The following REPS2 variants were observed in gnomAD, a reference collection of about 807,000 sequenced individuals.
REPS2 encodes RALBP1 associated Eps domain containing 2, also known as ralBP1-associated Eps domain-containing protein 2.
Under a neutral mutation model 53.6 loss-of-function variants are expected in REPS2, and 23 were observed. The ratio of observed to expected loss-of-function variants is 0.43; its 90% confidence interval spans 0.31 to 0.61. REPS2 has a LOEUF of 0.61. Ranked by LOEUF, REPS2 falls within the 20% of genes least tolerant of loss-of-function variation. The probability of loss-of-function intolerance (pLI) is 0.11; values close to 1 mark genes in which losing one functional copy is unlikely to be tolerated. For missense variants in REPS2, 446 were observed against 534.9 expected (o/e 0.83, Z 1.64); for synonymous variants, 238 against 218.6 (o/e 1.09, Z -0.78).
downstream of REPS2, among the ~76,000 whole-genome samples, chrX:17,154,252 A>G (rs189321284): frequency 8.9e-6 from 1 of 112,189 alleles, no homozygotes; most frequent in East Asian, 2.8e-4. Flanking sequence ...TTTCCAGGGC[A>G]TAGTTTTTGC....
chrX:17,154,166 CAAAG>C (rs1396237423), downstream of REPS2, among the ~76,000 whole-genome samples: 7 of 111,854 alleles, frequency 6.3e-5, no homozygotes, highest in East Asian at 2.0e-3. Context: ...ATTTTACAGT[CAAAG>C]AAACTGTGGT....
At chrX:17,114,889 C>T (rs2063025462) in intron 14 of REPS2, among the ~76,000 whole-genome samples, 1 of 112,209 alleles carries the variant, frequency 8.9e-6, no homozygotes, top group Non-Finnish European at 1.9e-5. Flanking sequence ...GAATGCATTA[C>T]CTCCTCTTCT....
At chrX:17,067,765 G>C (rs1377161344) in intron 9 of REPS2, among the ~76,000 whole-genome samples, 2 of 111,933 alleles carry the variant, frequency 1.8e-5, no homozygotes, top group Non-Finnish European at 3.8e-5. Flanking sequence ...ACTTCTTTGT[G>C]TTTGTGAAAA....
chrX:16,985,616 A>G (rs1434557485), intron 1 of REPS2, among the ~76,000 whole-genome samples: 11 of 112,190 alleles, frequency 9.8e-5, no homozygotes, highest in Admixed American at 8.6e-4. Flanking sequence ...GAAAATTTGC[A>G]AAAGTGCAGA....
At chrX:17,005,732 G>A (rs946975817) in intron 1 of REPS2, among the ~76,000 whole-genome samples, 1 of 112,058 alleles carries the variant, frequency 8.9e-6, no homozygotes, top group Non-Finnish European at 1.9e-5. Flanking sequence ...TCTGAACTGA[G>A]CACCCAAGAT....
In REPS2 at chrX:17,152,372, C is replaced by G. The variant is rs1034631827; in HGVS notation, c.*4891C>G. ...AGGGTTTCAATACACAGGACATGTT[C>G]TAGTTACAGAAGCCTTGCTCTGCTG... On this transcript the variant is annotated 3_prime_UTR_variant, in exon 18 of 18. Coordinates refer to ENST00000357277, the MANE Select transcript of REPS2 (RefSeq NM_004726.3). 4.5e-5 allele frequency: 5 copies of G among 112,120 alleles called. No individual in the cohort carries two copies. The highest frequency in any genetic ancestry group is 9.4e-5 in the Non-Finnish European group (5 of 53,216). The allele number at this position is 112,120 out of a possible 1,213,427, so 9.2% of individuals were successfully genotyped here.
At chrX:17,013,298 C>A (rs766097523) in intron 2 of REPS2, among the ~76,000 whole-genome samples, 13 of 112,360 alleles carry the variant, frequency 1.2e-4, no homozygotes, top group Non-Finnish European at 1.9e-4. Flanking sequence ...ATCCTGCTGC[C>A]TTGCTTCCTG....
chrX:16,989,861 A>C (rs1392054607), intron 1 of REPS2, among the ~76,000 whole-genome samples: 1 of 112,431 alleles, frequency 8.9e-6, no homozygotes, highest in Non-Finnish European at 1.9e-5. Flanking sequence ...AGCCCCTCTG[A>C]AAAACAGTTT....
At chrX:17,025,356 G>A (rs1051006992) in intron 4 of REPS2, among the ~76,000 whole-genome samples, 171 bp downstream of exon 4, 4 of 111,917 alleles carry the variant, frequency 3.6e-5, no homozygotes, top group Non-Finnish European at 7.5e-5. Context: ...TTTAAAAATT[G>A]ATTTAAACAT....
intron 7 of REPS2, among the ~76,000 whole-genome samples, chrX:17,053,061 G>C (rs781425022): frequency 2.3e-4 from 26 of 111,745 alleles, no homozygotes; most frequent in African/African-American, 8.5e-4. Context: ...TGGTGCTGCT[G>C]TAAACTCTCG....
chrX:17,170,486 G>T, the REPS2 span, among the ~76,000 whole-genome samples: 2 of 112,485 alleles, frequency 1.8e-5, no homozygotes, highest in Admixed American at 1.9e-4. Flanking sequence ...TCAAAGGCCA[G>T]TTCTTCAAAA....
chrX:16,994,184 G>A (rs923657202), intron 1 of REPS2, among the ~76,000 whole-genome samples: 1 of 112,658 alleles, frequency 8.9e-6, no homozygotes, highest in South Asian at 3.6e-4. Context: ...TCAGATGCCC[G>A]TGTGCCACGT....
intron 14 of REPS2, among the ~76,000 whole-genome samples, chrX:17,132,417 G>A (rs1203395088): frequency 2.7e-5 from 3 of 112,640 alleles, no homozygotes; most frequent in Non-Finnish European, 3.8e-5. Context: ...GCCTTTGTGC[G>A]AAGGTGACTG....
intron 13 of REPS2, among the ~76,000 whole-genome samples, chrX:17,101,342 G>T (rs5924548): frequency 1.8e-5 from 2 of 110,025 alleles, no homozygotes; most frequent in Admixed American, 9.7e-5. Flanking sequence ...GATTACAAGC[G>T]TGAGCCATCG....
intron 5 of REPS2, among the ~76,000 whole-genome samples, chrX:17,036,849 AGTGT>A (rs143234384): frequency 1.9e-5 from 2 of 102,911 alleles, no homozygotes; most frequent in Non-Finnish European, 3.9e-5. Flanking sequence ...AGAGAGTATA[AGTGT>A]GTGTGTGTGT....
chrX:17,100,909 C>G (rs1023017337), intron 13 of REPS2, among the ~76,000 whole-genome samples: 1 of 111,257 alleles, frequency 9.0e-6, no homozygotes, highest in African/African-American at 3.3e-5. Context: ...TGCCACTGCA[C>G]TCCAGCCTGG....
At chrX:16,957,081 A>G (rs1195143403) in intron 1 of REPS2, among the ~76,000 whole-genome samples, 1 of 112,399 alleles carries the variant, frequency 8.9e-6, no homozygotes, top group East Asian at 2.8e-4. Context: ...TTTCCAAATA[A>G]TTAAAGTGAA....
chrX:17,040,426 A>G (rs1602763082), intron 5 of REPS2, among the ~76,000 whole-genome samples: 1 of 112,162 alleles, frequency 8.9e-6, no homozygotes, highest in African/African-American at 3.2e-5. Flanking sequence ...CATTCAGCAA[A>G]TAACTTATTG....
At chrX:17,070,096 G>T in intron 11 of REPS2, 103 bp downstream of exon 11, 1 of 375,316 alleles carries the variant, frequency 2.7e-6, no homozygotes, top group Non-Finnish European at 4.4e-6. Flanking sequence ...TAGTGTGTCT[G>T]TTTCTCTCTA....
Sources: gnomAD v4.1 joint callset for allele counts (sites outside exome capture counted in the v4.1 genomes callset) on GRCh38, gnomAD v4.1.1 for gene constraint, MANE v1.5 for transcripts, NCBI Gene and HGNC (gene_info 2026-07-23, HGNC 2026-07-21) for gene names.